TENM4: variants seen among roughly 807,000 people sequenced by gnomAD.
TENM4 encodes teneurin-4.
In TENM4, 82 loss-of-function variants were observed where a neutral mutation model predicts 243.3. That is an observed-to-expected ratio of 0.34 (90% confidence interval 0.28 to 0.40). The LOEUF (loss-of-function observed/expected upper bound fraction) is 0.40, where lower values mean the gene tolerates loss of function less well. Ranked by LOEUF, TENM4 falls within the 10% of genes least tolerant of loss-of-function variation. The pLI, the probability that TENM4 is intolerant of heterozygous loss-of-function variation, is 1.00. For missense variants in TENM4, 3,138 were observed against 3,673.3 expected, an observed-to-expected ratio of 0.85 and a Z score of 3.77; for synonymous variants, 1,412 against 1,456.3, an observed-to-expected ratio of 0.97 and a Z score of 0.69.
chr11:79,414,703 A>T (rs2135578407), intron 1 of TENM4, among the ~76,000 whole-genome samples: 1 of 152,326 alleles, frequency 6.6e-6, no homozygotes. Context: ...TTTTTAAAAC[A>T]GTAATTCCCA....
chr11:78,964,727 C>T (rs1296713665), intron 6 of TENM4, among the ~76,000 whole-genome samples: 1 of 152,144 alleles, frequency 6.6e-6, no homozygotes, highest in Non-Finnish European at 1.5e-5. Context: ...GTATCTGTCT[C>T]CTACATGAAA....
intron 4 of TENM4, among the ~76,000 whole-genome samples, chr11:79,126,048 A>G (rs541631958): frequency 1.3e-5 from 2 of 152,238 alleles, no homozygotes; most frequent in Non-Finnish European, 2.9e-5. Context: ...GGGCCCACTA[A>G]GTAGGGAATC....
chr11:78,982,837 A>T (rs1041669768), intron 6 of TENM4, among the ~76,000 whole-genome samples: 2 of 152,172 alleles, frequency 1.3e-5, no homozygotes, highest in African/African-American at 4.8e-5. Flanking sequence ...GAAACTTGTT[A>T]TTCTCTGAGA....
chr11:79,437,991 C>T (rs1859313691), intron 1 of TENM4, among the ~76,000 whole-genome samples: 1 of 152,168 alleles, frequency 6.6e-6, no homozygotes, highest in African/African-American at 2.4e-5. Flanking sequence ...GGCAGGAAAT[C>T]CGAAGGGCCC....
At chr11:79,084,184 T>A (rs1284402069) in intron 4 of TENM4, among the ~76,000 whole-genome samples, 1 of 152,106 alleles carries the variant, frequency 6.6e-6, no homozygotes, top group Admixed American at 6.6e-5. Context: ...CATACACCTA[T>A]CAGAATGACT....
At chr11:79,263,924 G>C (rs568047103) in intron 2 of TENM4, among the ~76,000 whole-genome samples, 1 of 152,120 alleles carries the variant, frequency 6.6e-6, no homozygotes, top group Non-Finnish European at 1.5e-5. Flanking sequence ...ACGGGGCTTC[G>C]CATCCCTTGA....
chr11:78,750,220 TAA>T (rs1398811909), intron 19 of TENM4, among the ~76,000 whole-genome samples: 3 of 152,208 alleles, frequency 2.0e-5, no homozygotes, highest in Non-Finnish European at 2.9e-5. Flanking sequence ...GTAACTGAAA[TAA>T]GTTTCATGAA....
intron 6 of TENM4, among the ~76,000 whole-genome samples, chr11:78,971,758 C>T (rs1857551214): frequency 6.6e-6 from 1 of 151,670 alleles, no homozygotes; most frequent in African/African-American, 2.4e-5. Context: ...ATATTTATCA[C>T]AACATCATTT....
chr11:79,235,272 G>A (rs780481237), intron 2 of TENM4, among the ~76,000 whole-genome samples: 1 of 151,978 alleles, frequency 6.6e-6, no homozygotes, highest in Non-Finnish European at 1.5e-5. Context: ...AAGATATCGC[G>A]CCACTGCACT....
chr11:79,207,555 A>G (rs547904457), intron 3 of TENM4, among the ~76,000 whole-genome samples: 1 of 152,106 alleles, frequency 6.6e-6, no homozygotes, highest in South Asian at 2.1e-4. Context: ...ATCTGTGATA[A>G]ACTCTTGGGA....
At chr11:79,368,818 T>G (rs1590915541) in intron 1 of TENM4, among the ~76,000 whole-genome samples, 1 of 152,242 alleles carries the variant, frequency 6.6e-6, no homozygotes, top group Non-Finnish European at 1.5e-5. Flanking sequence ...GTCATCATCG[T>G]AGTGGGCAAA....
chr11:79,105,529 A>G (rs1471265662), intron 4 of TENM4, among the ~76,000 whole-genome samples: 3 of 152,226 alleles, frequency 2.0e-5, no homozygotes, highest in Admixed American at 6.5e-5. Flanking sequence ...AAGCTATAAT[A>G]TAAGTTCCAC....
At chr11:79,391,870 T>C (rs551992) in intron 1 of TENM4, among the ~76,000 whole-genome samples, 64,465 of 151,998 alleles carry the variant, frequency 0.42, 13,690 homozygotes, top group Non-Finnish European at 0.46. Flanking sequence ...ATTATTTCTA[T>C]GGGACAGCTG....
rs529905058 is a variant in TENM4, at chr11:78,887,426, T to C, written c.1084+2359A>G. ...CAGTCACTGTTTCAGATTTGCCTGC[T>C]AACATAGCTATCTCTTCTTTTAAGC... On this transcript the variant is annotated intron_variant, in intron 9 of 33. Transcript: ENST00000278550. 7.2e-5 allele frequency among the ~76,000 whole-genome samples: 11 copies of C among 152,360 alleles called. No individual in the cohort carries two copies. The East Asian group carries it at 2.1e-3, about 29-fold the overall frequency.
chr11:79,428,290 G>GA (rs756555336), intron 1 of TENM4, among the ~76,000 whole-genome samples: 8 of 152,178 alleles, frequency 5.3e-5, no homozygotes, highest in African/African-American at 1.4e-4. Flanking sequence ...AAGATCTCAA[G>GA]AAAAAATCAG....
chr11:79,091,643 C>G (rs1002989670), intron 4 of TENM4, among the ~76,000 whole-genome samples: 1 of 152,104 alleles, frequency 6.6e-6, no homozygotes, highest in African/African-American at 2.4e-5. Context: ...AGGCTCTCCC[C>G]AAGACCTACT....
rs780191418 is a variant in TENM4 at position 78,839,852 on chromosome 11, CA to C, written c.1681+14251del. ...AGGTGTTTCTGTTACTTAGTGAACA[CA>C]AAAGACACATCTCAGCACGGTGCAT... On this transcript the variant is annotated intron_variant, in intron 12 of 33. Coordinates refer to ENST00000278550, the MANE Select transcript of TENM4 (RefSeq NM_001098816.3). 5.3e-5 allele frequency among the ~76,000 whole-genome samples: 8 copies of C among 152,216 alleles called. No individual in the cohort carries two copies. The South Asian group carries it at 1.2e-3, about 24-fold the overall frequency.
intron 6 of TENM4, among the ~76,000 whole-genome samples, chr11:78,986,591 G>A (rs1373077121): frequency 6.6e-6 from 1 of 152,178 alleles, no homozygotes; most frequent in Admixed American, 6.5e-5. Flanking sequence ...TTGAGACAGA[G>A]TCTCGCTCTG....
intron 6 of TENM4, among the ~76,000 whole-genome samples, chr11:79,054,120 G>A (rs183597860): frequency 4.6e-5 from 7 of 152,210 alleles, no homozygotes; most frequent in Admixed American, 2.6e-4. Context: ...CTCCCTGTTC[G>A]GGGATGCTTT....
Sources: gnomAD v4.1 joint callset for allele counts (sites outside exome capture counted in the v4.1 genomes callset) on GRCh38, gnomAD v4.1.1 for gene constraint, MANE v1.5 for transcripts, NCBI Gene and HGNC (gene_info 2026-07-23, HGNC 2026-07-21) for gene names.